WDR59: variants seen among roughly 807,000 people sequenced by gnomAD.
WDR59 encodes GATOR2 complex protein WDR59.
Under a neutral mutation model 131.2 loss-of-function variants are expected in WDR59, and 100 were observed. The observed-to-expected ratio is 0.76, with a 90% confidence interval of 0.65 to 0.90. WDR59 has a LOEUF of 0.90. Among genes scored for constraint, WDR59 ranks in the 40% least tolerant of loss-of-function variants. The pLI, the probability that WDR59 is intolerant of heterozygous loss-of-function variation, is 0.00. For synonymous variants in WDR59, 601 were observed against 466.2 expected, an observed-to-expected ratio of 1.29 and a Z score of -3.72; for missense variants, 1,203 against 1,262.2, an observed-to-expected ratio of 0.95 and a Z score of 0.71.
chr16:74,883,609 C>T (rs934852652), intron 25 of WDR59, among the ~76,000 whole-genome samples: 2 of 152,202 alleles, frequency 1.3e-5, no homozygotes, highest in Non-Finnish European at 2.9e-5. Flanking sequence ...TGGCAGCCTT[C>T]CATTTCATTC....
At chr16:74,887,215 T>C (rs1459066884) in intron 23 of WDR59, among the ~76,000 whole-genome samples, 2 of 152,148 alleles carry the variant, frequency 1.3e-5, no homozygotes, top group Non-Finnish European at 2.9e-5. Flanking sequence ...ACTTTTGATA[T>C]CAGGAAAATT....
chr16:74,908,925 G>A lies in WDR59; in HGVS notation c.1695C>T (p.Pro565=), dbSNP rs767088869. The part of the protein sequence containing the change: ...RPMTMHRAVS[P]TEPTPRSLSA... Reference sequence around the variant, plus strand: ...TGACTCACCTCGGAGTAGGCTCTGTGGGAGACACCGCCCGATGCATTGTCA... The same window carrying A: ...TGACTCACCTCGGAGTAGGCTCTGTAGGAGACACCGCCCGATGCATTGTCA... Residue 565 remains proline (P), a synonymous_variant, in exon 17 of 26, where the codon CCC becomes CCT. Coordinates refer to ENST00000262144, the MANE Select transcript of WDR59 (RefSeq NM_030581.4). 6.2e-7 allele frequency: 1 copy of A among 1,614,060 alleles called. No homozygotes were observed. The highest frequency in any genetic ancestry group is 1.7e-5 in the Admixed American group (1 of 60,014).
chr16:74,920,397 AATATAT>A (rs972317821), intron 10 of WDR59, among the ~76,000 whole-genome samples: 1 of 151,624 alleles, frequency 6.6e-6, no homozygotes, highest in African/African-American at 2.4e-5. Flanking sequence ...AGGTGGGTTA[AATATAT>A]ATATATATTT....
At chr16:74,935,938 A>G (rs2031764873) in intron 8 of WDR59, among the ~76,000 whole-genome samples, 1 of 151,768 alleles carries the variant, frequency 6.6e-6, no homozygotes, top group Admixed American at 6.6e-5. Flanking sequence ...CGGAGGTTGC[A>G]GTGAGCCGAG....
chr16:74,965,824 TGA>T lies in WDR59; in HGVS notation c.55-4_55-3del, dbSNP rs1567438378. ...ACAGTCCACAGACATCGCAGTTGCC[TGA>T]GAGAGAGAACACAGAGTCAGTGCTG... On this transcript the variant is annotated splice_region_variant and splice_polypyrimidine_tract_variant and intron_variant, in intron 1 of 25. Coordinates refer to ENST00000262144, the MANE Select transcript of WDR59 (RefSeq NM_030581.4). 1 of 1,614,024 alleles carries T rather than the reference TGA, an allele frequency of 6.2e-7. No homozygotes were observed. The highest frequency in any genetic ancestry group is 1.7e-5 in the Admixed American group (1 of 59,992).
chr16:74,911,428 C>T (rs949109194), intron 14 of WDR59, among the ~76,000 whole-genome samples: 10 of 152,192 alleles, frequency 6.6e-5, no homozygotes, highest in Non-Finnish European at 1.5e-5. Flanking sequence ...AAATGAGCAA[C>T]ATTCAGCTTG....
chr16:74,904,177 G>T, intron 17 of WDR59, 77 bp from the exon 18 acceptor site: 1 of 1,516,426 alleles, frequency 6.6e-7, no homozygotes, highest in South Asian at 1.2e-5. Context: ...CTTAGCACTT[G>T]ATACCAAAAG....
chr16:74,976,718 G>T (rs1300391043), intron 1 of WDR59, among the ~76,000 whole-genome samples: 2 of 152,174 alleles, frequency 1.3e-5, no homozygotes, highest in African/African-American at 4.8e-5. Flanking sequence ...TGGGATTACA[G>T]GTGTGAGCGA....
Position 74,874,154 on chromosome 16 carries a change from TCACCGG to T in WDR59, c.*49_*54del. On this transcript the variant is annotated 3_prime_UTR_variant, in exon 26 of 26. Coordinates refer to ENST00000262144, the MANE Select transcript of WDR59 (RefSeq NM_030581.4). ...AGCCTCTCCCCTGACAGACAGCTTGTCACCGGCACTTATGGGTCCTCTGGGATTTCA... is the reference window on the plus strand; with the variant it reads ...AGCCTCTCCCCTGACAGACAGCTTGTCACTTATGGGTCCTCTGGGATTTCA... 1 of 1,459,536 alleles carries T rather than the reference TCACCGG, an allele frequency of 6.9e-7. No individual in the cohort carries two copies. The highest frequency in any genetic ancestry group is 1.3e-5 in the South Asian group (1 of 78,822). The allele number at this position is 1,459,536 out of a possible 1,614,324, so 90.4% of individuals were successfully genotyped here.
At chr16:74,917,834 T>G in intron 11 of WDR59, 95 bp downstream of exon 11, 1 of 1,022,928 alleles carries the variant, frequency 9.8e-7, no homozygotes, top group Non-Finnish European at 1.4e-6. Context: ...AAAAAAAAAT[T>G]GTTTATCCTG....
chr16:74,918,427 G>A (rs1032125472), intron 10 of WDR59, among the ~76,000 whole-genome samples: 1 of 152,162 alleles, frequency 6.6e-6, no homozygotes, highest in Admixed American at 6.5e-5. Flanking sequence ...GCAAATGTTC[G>A]TCCTTTTACA....
chr16:74,970,571 G>A (rs961972864), intron 1 of WDR59, among the ~76,000 whole-genome samples: 97 of 142,430 alleles, frequency 6.8e-4, no homozygotes, highest in African/African-American at 2.4e-3. Context: ...CACCTTTTCC[G>A]AAAGCACTTT....
intron 25 of WDR59, among the ~76,000 whole-genome samples, chr16:74,874,964 T>C (rs1222758447): frequency 6.6e-6 from 1 of 152,132 alleles, no homozygotes; most frequent in Non-Finnish European, 1.5e-5. Context: ...GTACTGTATT[T>C]TCTCAGGGGC....
At chr16:74,914,951 G>C (rs1357323788) in intron 13 of WDR59, among the ~76,000 whole-genome samples, 1 of 152,158 alleles carries the variant, frequency 6.6e-6, no homozygotes, top group East Asian at 1.9e-4. Context: ...TTTGGGTAAA[G>C]GAAAAACTAA....
intron 2 of WDR59, among the ~76,000 whole-genome samples, chr16:74,958,916 A>T (rs968033086): frequency 1.3e-5 from 2 of 152,048 alleles, no homozygotes; most frequent in African/African-American, 4.8e-5. Flanking sequence ...AAAATTAGCC[A>T]GGCATGGTGG....
intron 17 of WDR59, among the ~76,000 whole-genome samples, chr16:74,907,307 T>G (rs1032590599): frequency 2.0e-5 from 3 of 152,150 alleles, no homozygotes; most frequent in African/African-American, 7.2e-5. Flanking sequence ...AATTGTAATC[T>G]CCACAATCCC....
At position 74,970,973 on chromosome 16, in the gene WDR59, C is replaced by A. The variant is rs555742251; in HGVS notation, c.55-5151G>T. ...GGCTGAGGGGAGGATAACTTGAGCCCGAGAGGTTGTGGCTACAATGAGCAA... is the reference window on the plus strand; with the variant it reads ...GGCTGAGGGGAGGATAACTTGAGCCAGAGAGGTTGTGGCTACAATGAGCAA... On this transcript the variant is annotated intron_variant, in intron 1 of 25. Coordinates refer to ENST00000262144, the MANE Select transcript of WDR59 (RefSeq NM_030581.4). 2.6e-5 allele frequency among the ~76,000 whole-genome samples: 4 copies of A among 151,800 alleles called. No homozygotes were observed. The East Asian group carries it at 7.7e-4, about 29-fold the overall frequency.
chr16:74,963,365 T>C (rs1174162859), intron 2 of WDR59: 2 of 151,974 alleles, frequency 1.3e-5, no homozygotes, highest in Non-Finnish European at 2.9e-5. Flanking sequence ...ATAGACTGAA[T>C]AAAGAAAATG....
At chr16:74,970,853 G>A (rs1027547504) in intron 1 of WDR59, among the ~76,000 whole-genome samples, 4 of 151,072 alleles carry the variant, frequency 2.6e-5, no homozygotes, top group Admixed American at 6.6e-5. Context: ...AGGAGTTCGA[G>A]ACCAGCCTGG....
Sources: gnomAD v4.1 joint callset for allele counts (sites outside exome capture counted in the v4.1 genomes callset) on GRCh38, gnomAD v4.1.1 for gene constraint, MANE v1.5 for transcripts, NCBI Gene and HGNC (gene_info 2026-07-23, HGNC 2026-07-21) for gene names.